The following INSYN2A variants were observed in gnomAD, a reference collection of about 807,000 sequenced individuals.
INSYN2A encodes inhibitory synaptic factor 2A, also known as family with sequence similarity 196 member A.
Under a neutral mutation model 39.4 loss-of-function variants are expected in INSYN2A, and 17 were observed. The observed-to-expected ratio is 0.43, with a 90% CI of 0.30 to 0.65. The LOEUF (loss-of-function observed/expected upper bound fraction) is 0.65. Among genes scored for constraint, INSYN2A ranks in the 30% least tolerant of loss-of-function variants. The probability of loss-of-function intolerance (pLI) is 0.14; values close to 1 mark genes in which losing one functional copy is unlikely to be tolerated. For missense variants in INSYN2A, 595 were observed against 631.2 expected, an observed-to-expected ratio of 0.94 and a Z score of 0.61; for synonymous variants, 255 against 265.7, an observed-to-expected ratio of 0.96 and a Z score of 0.39.
rs1037576344 is a variant in INSYN2A, at chr10:127,175,387, G to A, written c.1009C>T (p.Pro337Ser). 3 of 1,613,754 alleles carry A rather than the reference G, an allele frequency of 1.9e-6. No homozygotes were observed. The highest frequency in any genetic ancestry group is 2.5e-6 in the Non-Finnish European group (3 of 1,180,052). The change falls in exon 4 of 6, where the codon CCC (proline) becomes TCC (serine). Residue 337 changes from proline to serine, a missense_variant. Pro to Ser is a moderately conservative substitution (Grantham distance 74). Around this residue, in one of 2 missense-constraint regions of INSYN2A, gnomAD observed 478 missense variants for 467.4 expected, o/e 1.02. Coordinates refer to ENST00000522781, the MANE Select transcript of INSYN2A (RefSeq NM_001039762.3). This position sits in a 1 kb window ranked among gnomAD's most constrained non-coding sequence, Gnocchi z 6.3. Reference sequence around the variant, plus strand: ...TCTTCACCTGCAGCAACCGCTGTGGGACTAGGCTGGTTCCCCAGCCCCGGC... The same window carrying A: ...TCTTCACCTGCAGCAACCGCTGTGGAACTAGGCTGGTTCCCCAGCCCCGGC... ...TPPGLGNQPSPTAVAAGEECQ... is the reference protein window; with the variant it reads ...TPPGLGNQPSSTAVAAGEECQ...
chr10:127,152,938 T>G (rs1293349894), intron 5 of INSYN2A, among the ~76,000 whole-genome samples: 1 of 152,202 alleles, frequency 6.6e-6, no homozygotes, highest in African/African-American at 2.4e-5. Context: ...AGGCTTTCCC[T>G]TGGGAGAGAA....
chr10:127,137,997 T>G lies in INSYN2A; in HGVS notation c.1280A>C (p.Gln427Pro). Residue 427 changes from glutamine to proline, a missense_variant, in exon 6 of 6, where the codon CAA becomes CCA. Physicochemically the swap from Gln to Pro is moderately conservative, Grantham distance 76. This residue lies in a region of INSYN2A where 117 missense variants were observed against 163.8 expected (regional missense o/e 0.71). Coordinates refer to ENST00000522781, the MANE Select transcript of INSYN2A (RefSeq NM_001039762.3). ...TAGAACCGGCTGGAGTTTGTCTTCT[T>G]GCTGCTTAAAATCCAGCTCCACACT... ...IYSVELDFKQ[Q>P]EDKLQPVLRK... 1 of 1,611,068 alleles carries G rather than the reference T, an allele frequency of 6.2e-7. No individual in the cohort carries two copies.
intron 5 of INSYN2A, among the ~76,000 whole-genome samples, chr10:127,146,909 G>A (rs375016715): frequency 1.8e-4 from 28 of 152,210 alleles, no homozygotes; most frequent in South Asian, 1.7e-3. Flanking sequence ...CGGTTCTGCC[G>A]GCTGTCTTGA....
At chr10:127,185,681 A>G (rs890980694) in intron 2 of INSYN2A, among the ~76,000 whole-genome samples, 1 of 152,184 alleles carries the variant, frequency 6.6e-6, no homozygotes, top group Non-Finnish European at 1.5e-5. Flanking sequence ...GAATTAGAGA[A>G]GTGGAAAGGA....
chr10:127,143,872 A>G (rs1308824749), intron 5 of INSYN2A, among the ~76,000 whole-genome samples: 1 of 152,122 alleles, frequency 6.6e-6, no homozygotes, highest in Admixed American at 6.5e-5. Flanking sequence ...CTCCGTGTGC[A>G]TATCTGAGGG....
chr10:127,173,080 C>T (rs975917431), intron 4 of INSYN2A, among the ~76,000 whole-genome samples: 1 of 152,158 alleles, frequency 6.6e-6, no homozygotes, highest in African/African-American at 2.4e-5. Flanking sequence ...ATGCATTCAT[C>T]ACATTGGACG....
chr10:127,195,606 C>T (rs531265768), intron 1 of INSYN2A, among the ~76,000 whole-genome samples: 6 of 152,240 alleles, frequency 3.9e-5, no homozygotes, highest in African/African-American at 1.4e-4. Context: ...CGAAACCTTC[C>T]GGGGAGACGG....
chr10:127,187,556 A>G (rs769831320), intron 2 of INSYN2A, among the ~76,000 whole-genome samples: 2 of 152,100 alleles, frequency 1.3e-5, no homozygotes, highest in Non-Finnish European at 2.9e-5. Context: ...TGGGTTTTTA[A>G]AGAGAGCATA....
intron 4 of INSYN2A, among the ~76,000 whole-genome samples, chr10:127,167,720 C>T (rs2054208277): frequency 1.3e-5 from 2 of 152,064 alleles, no homozygotes; most frequent in African/African-American, 4.8e-5. Flanking sequence ...TACATCAGCT[C>T]CCCTGCCCGT....
At chr10:127,157,755 A>G (rs949704645) in intron 4 of INSYN2A, among the ~76,000 whole-genome samples, 4 of 152,200 alleles carry the variant, frequency 2.6e-5, no homozygotes, top group African/African-American at 7.2e-5. Context: ...TTAGGACTTC[A>G]TTACCATGAA....
chr10:127,163,907 C>T (rs2053822546), intron 4 of INSYN2A, among the ~76,000 whole-genome samples: 1 of 147,482 alleles, frequency 6.8e-6, no homozygotes, highest in Non-Finnish European at 1.5e-5. Context: ...GACAAATTAA[C>T]TTTTATTGGC....
chr10:127,155,540 GGA>G (rs2052956875), intron 4 of INSYN2A, among the ~76,000 whole-genome samples: 1 of 152,142 alleles, frequency 6.6e-6, no homozygotes, highest in Non-Finnish European at 1.5e-5. Flanking sequence ...GGCTTTGTCA[GGA>G]GAGAGGGGGA....
chr10:127,156,948 G>T (rs142863509), intron 4 of INSYN2A, among the ~76,000 whole-genome samples: 1 of 152,060 alleles, frequency 6.6e-6, no homozygotes, highest in Non-Finnish European at 1.5e-5. Context: ...CCTCCATTAC[G>T]GTCAGTAAGC....
At chr10:127,183,837 A>G (rs1006465010) in intron 2 of INSYN2A, among the ~76,000 whole-genome samples, 3 of 152,070 alleles carry the variant, frequency 2.0e-5, no homozygotes, top group Non-Finnish European at 4.4e-5. Flanking sequence ...CCTCTTATCA[A>G]TCCTGGTGTT....
rs1307055703 is a variant in INSYN2A at position 127,176,307 on chromosome 10, T to A, written c.89A>T (p.Tyr30Phe). ...PAACLALEMK[Y>F]ALDPNRQIKK... ...AATCTGCCGGTTGGGGTCCAGGGCG[T>A]ATTTCATCTCCAGGGCCAGGCAGGC... Residue 30 changes from tyrosine to phenylalanine, a missense_variant, in exon 4 of 6, where the codon TAC becomes TTC. Physicochemically the swap from Tyr to Phe is conservative, Grantham distance 22. Around this residue, in one of 2 missense-constraint regions of INSYN2A, gnomAD observed 478 missense variants for 467.4 expected, o/e 1.02. Coordinates refer to ENST00000522781, the MANE Select transcript of INSYN2A (RefSeq NM_001039762.3). The surrounding 1 kb of genome is among the most constrained non-coding windows in gnomAD (Gnocchi z 4.4). The A allele has an allele frequency of 6.2e-7, 1 of 1,614,034 alleles. No individual in the cohort carries two copies. Among genetic ancestry groups the A allele is most frequent in the South Asian group, 1.1e-5 (1 of 91,074 alleles).
chr10:127,189,821 G>GA (rs1358598481), intron 2 of INSYN2A, among the ~76,000 whole-genome samples: 3 of 152,010 alleles, frequency 2.0e-5, no homozygotes, highest in South Asian at 2.1e-4. Flanking sequence ...TTTACGCAAG[G>GA]AAAAAAAGAC....
In INSYN2A at chr10:127,176,862, G is replaced by C. The variant is rs1002684785; in HGVS notation, c.-6+15C>G. On this transcript the variant is annotated intron_variant, in intron 3 of 5. Transcript: ENST00000522781. This position sits in a 1 kb window ranked among gnomAD's most constrained non-coding sequence, Gnocchi z 4.4. ...ATTGCTGGAATCTGGGAGAGCTGCT[G>C]TTTTAAAGACTTACTGGAGCTGCCA... The C allele has an allele frequency of 6.4e-6, 1 of 155,438 alleles. No individual in the cohort carries two copies. Among genetic ancestry groups the C allele is most frequent in the Non-Finnish European group, 1.4e-5 (1 of 70,246 alleles). The allele number at this position is 155,438 out of a possible 1,614,324, so 9.6% of individuals were successfully genotyped here.
chr10:127,138,640 CCA>C (rs1164691701), intron 5 of INSYN2A, among the ~76,000 whole-genome samples: 1 of 152,168 alleles, frequency 6.6e-6, no homozygotes, highest in Non-Finnish European at 1.5e-5. Context: ...CCATTACTAA[CCA>C]CAGTTTCTTT....
At chr10:127,185,074 C>T (rs1439873982) in intron 2 of INSYN2A, among the ~76,000 whole-genome samples, 1 of 152,180 alleles carries the variant, frequency 6.6e-6, no homozygotes, top group Non-Finnish European at 1.5e-5. Context: ...TCAGGGTAGG[C>T]TCTACCTGGG....
Sources: gnomAD v4.1 joint callset for allele counts (sites outside exome capture counted in the v4.1 genomes callset) on GRCh38, gnomAD v4.1.1 for gene constraint, gnomAD v4.1.1 regional missense constraint, Gnocchi (gnomAD v3.1) non-coding constraint, MANE v1.5 for transcripts, NCBI Gene and HGNC (gene_info 2026-07-23, HGNC 2026-07-21) for gene names.